Variants in LPCAT1 observed in about 807,000 individuals in gnomAD.
LPCAT1 encodes lysophosphatidylcholine acyltransferase 1, also known as 1-acylglycerol-3-phosphate O-acyltransferase.
In LPCAT1, 23 loss-of-function variants were observed where a neutral mutation model predicts 60.9. The ratio of observed to expected loss-of-function variants is 0.38; its 90% CI spans 0.27 to 0.53. LPCAT1 has a LOEUF of 0.53. Ranked by LOEUF, LPCAT1 falls within the 20% of genes least tolerant of loss-of-function variation. LPCAT1 has a pLI of 0.82. For missense variants in LPCAT1, 622 were observed against 723.6 expected, an observed-to-expected ratio of 0.86 and a Z score of 1.61; for synonymous variants, 340 against 301.1, an observed-to-expected ratio of 1.13 and a Z score of -1.34.
At chr5:1,491,067 A>G (rs1444005272) in intron 3 of LPCAT1, among the ~76,000 whole-genome samples, 3 of 151,456 alleles carry the variant, frequency 2.0e-5, no homozygotes, top group African/African-American at 7.3e-5. Context: ...AGAAAATTGA[A>G]GCCAAAAAAA....
intron 1 of LPCAT1, among the ~76,000 whole-genome samples, chr5:1,513,572 G>A (rs1736417604): frequency 6.6e-6 from 1 of 152,226 alleles, no homozygotes; most frequent in African/African-American, 2.4e-5. Context: ...TTCCTATTTG[G>A]AGGCTGCGGG....
rs570991069 is a variant in LPCAT1, at chr5:1,501,588, G to T, written c.151C>A (p.Leu51Met). ...AGGAGCCGGACCGGGAAGAGCGTCA[G>T]TGTCATGAGGGCCACCTGCAGACAG... ...LQKAQVALMT[L>M]TLFPVRLLVA... The change falls in exon 2 of 14, where the codon CTG (leucine) becomes ATG (methionine). Residue 51 changes from leucine to methionine, a missense_variant. Coordinates refer to ENST00000283415, the MANE Select transcript of LPCAT1 (RefSeq NM_024830.5). 168 of 1,613,890 alleles carry T rather than the reference G, an allele frequency of 1.0e-4. 2 individuals are homozygous for T. The South Asian group carries it at 1.7e-3, about 16-fold the overall frequency.
At chr5:1,467,795 T>G (rs1734489477) in intron 12 of LPCAT1, among the ~76,000 whole-genome samples, 1 of 152,110 alleles carries the variant, frequency 6.6e-6, no homozygotes, top group Non-Finnish European at 1.5e-5. Flanking sequence ...CTCCAACCCC[T>G]GGGCTCCCTC....
intron 13 of LPCAT1, among the ~76,000 whole-genome samples, chr5:1,465,661 G>A (rs1157220855): frequency 2.7e-5 from 4 of 150,120 alleles, no homozygotes; most frequent in Admixed American, 6.6e-5. Context: ...AACTAAACAC[G>A]TGCGCTTTCA....
At chr5:1,465,483 C>G (rs982196404) in intron 13 of LPCAT1, among the ~76,000 whole-genome samples, 1 of 145,484 alleles carries the variant, frequency 6.9e-6, no homozygotes, top group Non-Finnish European at 1.5e-5. Flanking sequence ...ACACACAAAA[C>G]AAGCGCATGC....
At chr5:1,516,295 T>C (rs981061938) in intron 1 of LPCAT1, among the ~76,000 whole-genome samples, 21 of 152,226 alleles carry the variant, frequency 1.4e-4, no homozygotes, top group Admixed American at 6.5e-4. Flanking sequence ...GCTTGATGGA[T>C]GCATGGGACC....
In LPCAT1 at chr5:1,495,024, C is replaced by CAGGAAGCCCGT; in HGVS notation, c.279-111_279-110insACGGGCTTCCT. 9.7e-7 allele frequency: 1 copy of CAGGAAGCCCGT among 1,030,554 alleles called. No individual in the cohort carries two copies. The highest frequency in any genetic ancestry group is 1.4e-6 in the Non-Finnish European group (1 of 717,098). The allele number at this position is 1,030,554 out of a possible 1,614,324, so 63.8% of individuals were successfully genotyped here. ...GCCCTCCAGGGCGCAGTCCAGGCCA[C>CAGGAAGCCCGT]GGGCTTCCTGTGGTCGCCGCCGCTG... On this transcript the variant is annotated intron_variant, in intron 2 of 13. Transcript: ENST00000283415. The surrounding 1 kb of genome is among the most constrained non-coding windows in gnomAD (Gnocchi z 4.7).
At position 1,496,636 on chromosome 5, in the gene LPCAT1, C is replaced by T. The variant is rs1227348422; in HGVS notation, c.279-1722G>A. On this transcript the variant is annotated intron_variant, in intron 2 of 13. Transcript: ENST00000283415. This position sits in a 1 kb window ranked among gnomAD's most constrained non-coding sequence, Gnocchi z 4.7. ...CTTAGAGGAACACACCTGCCAGCCC[C>T]GAAATCGAATTGCAGGGACAGACGG... is the stretch of plus-strand genomic sequence containing the variant. Among the ~76,000 whole-genome samples, 1 of 152,064 alleles carries T rather than the reference C, an allele frequency of 6.6e-6. No individual in the cohort carries two copies. Among genetic ancestry groups the T allele is most frequent in the Non-Finnish European group, 1.5e-5 (1 of 68,004 alleles).
chr5:1,488,315 C>A, intron 5 of LPCAT1, 76 bp downstream of exon 5: 1 of 916,652 alleles, frequency 1.1e-6, no homozygotes, highest in Admixed American at 2.4e-5. Context: ...ATGTGCACAG[C>A]ACATTATTAA....
Position 1,481,021 on chromosome 5 carries a change from AGGGCCT to A in LPCAT1, c.727-51_727-46del. On this transcript the variant is annotated intron_variant, in intron 6 of 13. Transcript: ENST00000283415. This position sits in a 1 kb window ranked among gnomAD's most constrained non-coding sequence, Gnocchi z 7.8. Reference sequence around the variant, plus strand: ...GTCAGTCAGCATGGGGCCTGCACCCAGGGCCTGCACCAAGCACCTGCGTGTGCCGGC... The same window carrying A: ...GTCAGTCAGCATGGGGCCTGCACCCAGCACCAAGCACCTGCGTGTGCCGGC... The A allele has an allele frequency of 9.4e-6, 10 of 1,060,244 alleles. No homozygotes were observed. Among genetic ancestry groups the A allele is most frequent in the African/African-American group, 2.2e-5 (1 of 44,470 alleles). 65.7% of individuals were successfully genotyped at this position (1,060,244 alleles called of 1,614,324 possible).
chr5:1,467,540 C>A (rs1734472320), intron 12 of LPCAT1, among the ~76,000 whole-genome samples: 1 of 152,150 alleles, frequency 6.6e-6, no homozygotes, highest in African/African-American at 2.4e-5. Flanking sequence ...TGCCGAGGCG[C>A]CTGCCGCCCG....
intron 1 of LPCAT1, among the ~76,000 whole-genome samples, chr5:1,519,864 C>T (rs1736618424): frequency 6.6e-6 from 1 of 152,272 alleles, no homozygotes; most frequent in African/African-American, 2.4e-5. Flanking sequence ...CCCTGGCCTT[C>T]TCCATCCTCC....
intron 1 of LPCAT1, among the ~76,000 whole-genome samples, chr5:1,520,942 T>C (rs1428323176): frequency 6.8e-6 from 1 of 146,510 alleles, no homozygotes; most frequent in African/African-American, 2.5e-5. Flanking sequence ...TGGGAAATAC[T>C]CATACCCACA....
rs867928139 is a variant in LPCAT1 at position 1,523,438 on chromosome 5, G to A, written c.135+272C>T. Among the ~76,000 whole-genome samples the A allele has an allele frequency of 5.3e-4, 81 of 151,906 alleles. No individual in the cohort carries two copies. Among genetic ancestry groups the A allele is most frequent in the African/African-American group, 1.8e-3 (76 of 41,524 alleles). The stretch of plus-strand genomic sequence containing the variant: ...GTCTGGGGGGAGGAGCAGAACGCGG[G>A]GCGGGGATGGGAAGCGGGGACCCCG... On this transcript the variant is annotated intron_variant, in intron 1 of 13. Transcript: ENST00000283415. This position sits in a 1 kb window ranked among gnomAD's most constrained non-coding sequence, Gnocchi z 7.1.
At chr5:1,494,667 G>A (rs779839431) in intron 3 of LPCAT1, 33 bp downstream of exon 3, 26 of 1,587,284 alleles carry the variant, frequency 1.6e-5, no homozygotes, top group Admixed American at 1.2e-4. Context: ...GCAGGGCAGG[G>A]TCCCTCACTC....
At position 1,495,529 on chromosome 5, in the gene LPCAT1, T is replaced by C. The variant is rs1735758588; in HGVS notation, c.279-615A>G. On this transcript the variant is annotated intron_variant, in intron 2 of 13. Coordinates refer to ENST00000283415, the MANE Select transcript of LPCAT1 (RefSeq NM_024830.5). The surrounding 1 kb of genome is among the most constrained non-coding windows in gnomAD (Gnocchi z 4.7). ...GCCTAGGTTAACTGAATTTGTGTAC[T>C]CTTTATCTCTTTTTAAAATAGGTAC... 6.6e-6 allele frequency among the ~76,000 whole-genome samples: 1 copy of C among 152,204 alleles called. No homozygotes were observed. Among genetic ancestry groups the C allele is most frequent in the South Asian group, 2.1e-4 (1 of 4,836 alleles).
In LPCAT1 at chr5:1,481,005, C is replaced by T. The variant is rs1388356148; in HGVS notation, c.727-29G>A. On this transcript the variant is annotated intron_variant, in intron 6 of 13. Coordinates refer to ENST00000283415, the MANE Select transcript of LPCAT1 (RefSeq NM_024830.5). This position sits in a 1 kb window ranked among gnomAD's most constrained non-coding sequence, Gnocchi z 7.8. The stretch of plus-strand genomic sequence containing the variant: ...GGGAGGAAGAGGCAGGGTCAGTCAG[C>T]ATGGGGCCTGCACCCAGGGCCTGCA... 13 of 1,613,236 alleles carry T rather than the reference C, an allele frequency of 8.1e-6. No individual in the cohort carries two copies. Among genetic ancestry groups the T allele is most frequent in the Non-Finnish European group, 1.1e-5 (13 of 1,179,938 alleles).
Position 1,522,159 on chromosome 5 carries a change from TC to T in LPCAT1, c.135+1550del, listed in dbSNP as rs537456950. On this transcript the variant is annotated intron_variant, in intron 1 of 13. Coordinates refer to ENST00000283415, the MANE Select transcript of LPCAT1 (RefSeq NM_024830.5). This position sits in a 1 kb window ranked among gnomAD's most constrained non-coding sequence, Gnocchi z 6.8. The stretch of plus-strand genomic sequence containing the variant: ...AACCACAGCAGGGGTTCGAATTTCA[TC>T]CGGGGGCGTCCCCGCTGAGGGCTTC... 1.0e-3 allele frequency among the ~76,000 whole-genome samples: 152 copies of T among 152,048 alleles called. No individual in the cohort carries two copies. Among genetic ancestry groups the T allele is most frequent in the African/African-American group, 3.5e-3 (147 of 41,454 alleles).
At position 1,521,899 on chromosome 5, in the gene LPCAT1, A is replaced by G. The variant is rs1297829512; in HGVS notation, c.135+1811T>C. On this transcript the variant is annotated intron_variant, in intron 1 of 13. Transcript: ENST00000283415. The surrounding 1 kb of genome is among the most constrained non-coding windows in gnomAD (Gnocchi z 4.3). ...AGTGCCCTGACATCTGTACCTACCC[A>G]TGAGAGTCTCTGCCCTGCTTCTCGC... Among the ~76,000 whole-genome samples the G allele has an allele frequency of 1.3e-5, 2 of 152,168 alleles. No individual in the cohort carries two copies. The highest frequency in any genetic ancestry group is 2.9e-5 in the Non-Finnish European group (2 of 68,022).
Sources: gnomAD v4.1 joint callset for allele counts (sites outside exome capture counted in the v4.1 genomes callset) on GRCh38, gnomAD v4.1.1 for gene constraint, Gnocchi (gnomAD v3.1) non-coding constraint, MANE v1.5 for transcripts, NCBI Gene and HGNC (gene_info 2026-07-23, HGNC 2026-07-21) for gene names.